Variants in URB1 observed in about 807,000 individuals in gnomAD.
URB1 encodes URB1 ribosome biogenesis factor.
Under a neutral mutation model 242.3 loss-of-function variants are expected in URB1, and 197 were observed. The ratio of observed to expected loss-of-function variants is 0.81; its 90% CI spans 0.72 to 0.91. The LOEUF is 0.91. Among genes scored for constraint, URB1 ranks in the 40% least tolerant of loss-of-function variants. The pLI, the probability that URB1 is intolerant of heterozygous loss-of-function variation, is 0.00. For missense variants in URB1, 2,721 were observed against 2,860.5 expected, an observed-to-expected ratio of 0.95 and a Z score of 1.11; for synonymous variants, 1,153 against 1,201.8, an observed-to-expected ratio of 0.96 and a Z score of 0.84.
In URB1 at chr21:32,337,413, TGA is replaced by T; in HGVS notation, c.4610_4611del (p.Leu1537GlnfsTer15). 1 of 1,551,294 alleles carries T rather than the reference TGA, an allele frequency of 6.4e-7. No individual in the cohort carries two copies. The highest frequency in any genetic ancestry group is 8.7e-7 in the Non-Finnish European group (1 of 1,146,870). On this transcript the variant is annotated frameshift_variant, in exon 27 of 39. Coordinates refer to ENST00000382751, the MANE Select transcript of URB1 (RefSeq NM_014825.3). LOFTEE classifies it high-confidence loss of function. ...GCCCTCACACCCTCACCTAGGACGC[TGA>T]GAGTGGCGCCATAGGCCCCGAGAAG... Reference protein sequence around the residue: ...AVLLGAYGATLSVLDQKILLL... With the variant: ...AVLLGAYGATXSVLDQKILLL...
intron 10 of URB1, among the ~76,000 whole-genome samples, chr21:32,365,302 T>C (rs2033335083): frequency 1.3e-5 from 2 of 151,688 alleles, no homozygotes; most frequent in Admixed American, 1.3e-4. Flanking sequence ...AATAAGAAAA[T>C]TAGCTGGGTG....
chr21:32,340,971 A>C (rs191666415), intron 25 of URB1, among the ~76,000 whole-genome samples: 225 of 152,258 alleles, frequency 1.5e-3, no homozygotes, highest in African/African-American at 5.4e-3. Flanking sequence ...GAAACATCTC[A>C]GTGAACAAAA....
rs2032632619 is a variant in URB1 at position 32,313,782 on chromosome 21, G to A, written c.*1136C>T. On this transcript the variant is annotated 3_prime_UTR_variant, in exon 39 of 39. Transcript: ENST00000382751. ...CCAGGCATGCAGGAGAGTTTTAAAG[G>A]AACAGACGGAAATTTTAACTGTGAA... 1 of 152,204 alleles carries A rather than the reference G, an allele frequency of 6.6e-6. No homozygotes were observed. The highest frequency in any genetic ancestry group is 1.5e-5 in the Non-Finnish European group (1 of 68,076). 9.4% of individuals were successfully genotyped at this position (152,204 alleles called of 1,614,324 possible).
In URB1 at chr21:32,366,649, C is replaced by T; in HGVS notation, c.1304G>A (p.Cys435Tyr). ...TGCTTGGGTGAACATGCTCTTATTG[C>T]ACACCAGGGGCACGGTGGTCACCAT... is the stretch of plus-strand genomic sequence containing the variant. ...MVMVTTVPLV[C>Y]NKSMFTQALN... Residue 435 changes from cysteine (C) to tyrosine (Y), a missense_variant, in exon 10 of 39, where the codon TGC (cysteine) becomes TAC (tyrosine). Coordinates refer to ENST00000382751, the MANE Select transcript of URB1 (RefSeq NM_014825.3). 6.4e-7 allele frequency: 1 copy of T among 1,551,468 alleles called. No homozygotes were observed. The highest frequency in any genetic ancestry group is 1.2e-5 in the South Asian group (1 of 84,050).
chr21:32,320,703 A>G, intron 34 of URB1, 63 bp from the exon 35 acceptor site: 1 of 1,230,536 alleles, frequency 8.1e-7, no homozygotes, highest in Non-Finnish European at 1.2e-6. Context: ...GATTAAAGAA[A>G]CCGTTTTAAA....
intron 8 of URB1, among the ~76,000 whole-genome samples, chr21:32,371,656 T>C (rs2033406995): frequency 6.6e-6 from 1 of 152,046 alleles, no homozygotes; most frequent in East Asian, 1.9e-4. Flanking sequence ...TAGAAGTAAA[T>C]CAAACTGCCT....
At chr21:32,317,594 G>A in intron 37 of URB1, 82 bp downstream of exon 37, 1 of 1,499,992 alleles carries the variant, frequency 6.7e-7, no homozygotes, top group Non-Finnish European at 8.9e-7. Context: ...ATGTGGCTGA[G>A]AGACAGAGAG....
chr21:32,368,775 A>C (rs2033374189), intron 8 of URB1, among the ~76,000 whole-genome samples, 177 bp from the exon 9 acceptor site: 1 of 152,176 alleles, frequency 6.6e-6, no homozygotes, highest in South Asian at 2.1e-4. Context: ...CCAGCTCTCC[A>C]CAGAGGGCTT....
intron 24 of URB1, among the ~76,000 whole-genome samples, chr21:32,343,260 C>T (rs1405897735): frequency 1.3e-5 from 2 of 151,874 alleles, no homozygotes; most frequent in Non-Finnish European, 2.9e-5. Flanking sequence ...CCTGTGATCA[C>T]AAAAACCAGT....
rs1387900569 is a variant in URB1 at position 32,313,611 on chromosome 21, C to T, written c.*1307G>A. The T allele has an allele frequency of 6.6e-6, 1 of 152,118 alleles. No individual in the cohort carries two copies. The highest frequency in any genetic ancestry group is 1.5e-5 in the Non-Finnish European group (1 of 68,030). 9.4% of individuals were successfully genotyped at this position (152,118 alleles called of 1,614,324 possible). On this transcript the variant is annotated 3_prime_UTR_variant, in exon 39 of 39. Coordinates refer to ENST00000382751, the MANE Select transcript of URB1 (RefSeq NM_014825.3). ...ATGCTTTAGTTAAAACTTTAAGTCACCTAAAACAGAAACAATTCTAAAGAA... is the reference window on the plus strand; with the variant it reads ...ATGCTTTAGTTAAAACTTTAAGTCATCTAAAACAGAAACAATTCTAAAGAA...
intron 20 of URB1, 72 bp from the exon 21 acceptor site, chr21:32,349,555 G>GAGTCAGGAAGACT: frequency 6.9e-7 from 1 of 1,439,644 alleles, no homozygotes; most frequent in Admixed American, 2.8e-5. Context: ...GACTTCCAGG[G>GAGTCAGGAAGACT]CCCGTGTTTT....
intron 1 of URB1, among the ~76,000 whole-genome samples, chr21:32,388,318 T>C (rs922794051): frequency 6.6e-6 from 1 of 152,280 alleles, no homozygotes; most frequent in Admixed American, 6.5e-5. Context: ...ACATAAAGCA[T>C]CCAGCATCAC....
Position 32,393,010 on chromosome 21 carries a change from C to G in URB1, c.-100G>C, listed in dbSNP as rs930262051. On this transcript the variant is annotated 5_prime_UTR_variant, in exon 1 of 39. Transcript: ENST00000382751. The stretch of plus-strand genomic sequence containing the variant: ...ACACGCGCTTCAGGCCCACATGGCG[C>G]AGGAAGAGGCGGGGCTGGCGGAAGA... 1.5e-6 allele frequency: 2 copies of G among 1,370,314 alleles called. No individual in the cohort carries two copies. The highest frequency in any genetic ancestry group is 1.9e-6 in the Non-Finnish European group (2 of 1,050,442). The allele number at this position is 1,370,314 out of a possible 1,614,324, so 84.9% of individuals were successfully genotyped here. A position where few individuals can be genotyped will look rare whatever the true frequency, so the allele number is the denominator to read the frequency against.
At chr21:32,333,291 C>T in intron 30 of URB1, 26 bp downstream of exon 30, 1 of 1,546,256 alleles carries the variant, frequency 6.5e-7, no homozygotes, top group Non-Finnish European at 8.8e-7. Flanking sequence ...ATAGCAAGCC[C>T]TGACCCAAGA....
intron 1 of URB1, among the ~76,000 whole-genome samples, chr21:32,392,448 G>GA (rs1208564339): frequency 6.6e-6 from 1 of 152,182 alleles, no homozygotes; most frequent in Non-Finnish European, 1.5e-5. Flanking sequence ...ACTCAATAGA[G>GA]AAGGACACTT....
At position 32,363,282 on chromosome 21, in the gene URB1, G is replaced by C. The variant is rs1301356956; in HGVS notation, c.1383C>G (p.Val461=). The part of the protein sequence containing the change: ...VRHTALSLIS[V]ILKRALKTVD... ...CAGTTTTTAATGCCCTCTTCAAAAT[G>C]ACAGAAATAAGGGATAAGGCTGTGT... The change falls in exon 11 of 39, where the codon GTC becomes GTG. Residue 461 remains valine, a synonymous_variant. Transcript: ENST00000382751. The C allele has an allele frequency of 6.4e-7, 1 of 1,551,766 alleles. No individual in the cohort carries two copies. The highest frequency in any genetic ancestry group is 2.0e-5 in the Admixed American group (1 of 51,008).
At chr21:32,338,505 GT>G (rs1399990711) in intron 26 of URB1, among the ~76,000 whole-genome samples, 3 of 152,296 alleles carry the variant, frequency 2.0e-5, no homozygotes, top group Non-Finnish European at 2.9e-5. Context: ...TTGAAAACAG[GT>G]TTGTATTTGC....
rs1415663233 is a variant in URB1, at chr21:32,361,830, T to G, written c.1639+62A>C. 13 of 1,521,932 alleles carry G rather than the reference T, an allele frequency of 8.5e-6. No individual in the cohort carries two copies. In the African/African-American group the frequency reaches 1.8e-4, roughly 21 times the overall value. The allele number at this position is 1,521,932 out of a possible 1,614,324, so 94.3% of individuals were successfully genotyped here. Reference sequence around the variant, plus strand: ...TCTCTGGATAGGAGCTATCCTAGGCTGCCAGTGTCAGCTCTGTCCCATGCA... The same window carrying G: ...TCTCTGGATAGGAGCTATCCTAGGCGGCCAGTGTCAGCTCTGTCCCATGCA... On this transcript the variant is annotated intron_variant, in intron 12 of 38. Coordinates refer to ENST00000382751, the MANE Select transcript of URB1 (RefSeq NM_014825.3).
At chr21:32,379,771 C>T (rs1350006293) in intron 4 of URB1, among the ~76,000 whole-genome samples, 1 of 152,136 alleles carries the variant, frequency 6.6e-6, no homozygotes, top group Admixed American at 6.5e-5. Flanking sequence ...GGGTGGATCA[C>T]TTGAGGTTAG....
Sources: gnomAD v4.1 joint callset for allele counts (sites outside exome capture counted in the v4.1 genomes callset) on GRCh38, gnomAD v4.1.1 for gene constraint, MANE v1.5 for transcripts, NCBI Gene and HGNC (gene_info 2026-07-23, HGNC 2026-07-21) for gene names.